The following DCT variants were observed in gnomAD, a reference collection of about 807,000 sequenced individuals.
DCT encodes the protein dopachrome tautomerase.
A neutral mutation model predicts 53.0 loss-of-function variants in DCT; 47 were observed. That is an observed-to-expected ratio of 0.89 (90% CI 0.70 to 1.13). The LOEUF (loss-of-function observed/expected upper bound fraction) is 1.13, where lower values mean the gene tolerates loss of function less well. DCT is among the 50% of genes most tolerant of loss of function. The pLI, the probability that DCT is intolerant of heterozygous loss-of-function variation, is 0.00. For synonymous variants in DCT, 244 were observed against 237.0 expected (o/e 1.03, Z -0.27); for missense variants, 669 against 637.4 (o/e 1.05, Z -0.53).
At chr13:94,493,030 G>T in the DCT span, among the ~76,000 whole-genome samples, 1 of 152,306 alleles carries the variant, frequency 6.6e-6, no homozygotes, top group South Asian at 2.1e-4. Flanking sequence ...GGCATCCATT[G>T]TGCTTGGAAC....
the DCT span, among the ~76,000 whole-genome samples, chr13:94,512,723 C>T: frequency 2.0e-3 from 91 of 45,960 alleles, no homozygotes; most frequent in African/African-American, 8.9e-3. Context: ...TATATATATA[C>T]ACACACACAC....
intron 6 of DCT, 95 bp from the exon 7 acceptor site, chr13:94,443,732 C>G (rs1371238562): frequency 9.8e-6 from 10 of 1,015,348 alleles, no homozygotes; most frequent in Admixed American, 4.1e-5. Flanking sequence ...ATAACTTCTT[C>G]TTGACATAGG....
At chr13:94,518,312 C>T in the DCT span, among the ~76,000 whole-genome samples, 2 of 152,312 alleles carry the variant, frequency 1.3e-5, no homozygotes, top group South Asian at 2.1e-4. Flanking sequence ...GAACCCTCCA[C>T]ACTGCTTACC....
chr13:94,513,395 G>T, the DCT span, among the ~76,000 whole-genome samples: 1 of 152,104 alleles, frequency 6.6e-6, no homozygotes, highest in Non-Finnish European at 1.5e-5. Context: ...GGTAACTATG[G>T]TCTGCTACAG....
chr13:94,465,004 C>T (rs1487074001), intron 4 of DCT, among the ~76,000 whole-genome samples: 1 of 151,984 alleles, frequency 6.6e-6, no homozygotes, highest in African/African-American at 2.4e-5. Context: ...TGCCCTCCCA[C>T]ACTCCCCTCA....
At chr13:94,489,280 A>T in the DCT span, among the ~76,000 whole-genome samples, 1 of 152,180 alleles carries the variant, frequency 6.6e-6, no homozygotes, top group East Asian at 1.9e-4. Context: ...GTTTCCTGGA[A>T]GTATTAAAAA....
At chr13:94,536,544 T>C in the DCT span, among the ~76,000 whole-genome samples, 1,116 of 151,994 alleles carry the variant, frequency 7.3e-3, 18 homozygotes, top group African/African-American at 0.026. Context: ...AGTCTATGAG[T>C]TTTCACATGA....
chr13:94,520,683 C>T, the DCT span, among the ~76,000 whole-genome samples: 6 of 152,250 alleles, frequency 3.9e-5, no homozygotes, highest in African/African-American at 1.4e-4. Flanking sequence ...TGGTCAGAAG[C>T]TCTGGCTTTC....
the DCT span, among the ~76,000 whole-genome samples, chr13:94,544,257 T>C: frequency 2.6e-5 from 4 of 152,170 alleles, no homozygotes; most frequent in African/African-American, 4.8e-5. Flanking sequence ...GGATTTTGTA[T>C]GAAAAGTGCT....
the DCT span, among the ~76,000 whole-genome samples, chr13:94,538,810 T>C: frequency 1.3e-5 from 2 of 152,202 alleles, no homozygotes; most frequent in Non-Finnish European, 2.9e-5. Context: ...CATCCTAACA[T>C]GTTAGATAAA....
intron 7 of DCT, among the ~76,000 whole-genome samples, chr13:94,442,960 C>T (rs1882446592): frequency 6.6e-6 from 1 of 152,054 alleles, no homozygotes; most frequent in Non-Finnish European, 1.5e-5. Context: ...GTTTTCTGGC[C>T]TCCTCTTGAA....
the DCT span, among the ~76,000 whole-genome samples, chr13:94,536,267 A>T: frequency 6.6e-6 from 1 of 152,194 alleles, no homozygotes; most frequent in East Asian, 1.9e-4. Context: ...TTTAACATTG[A>T]CATTGGACAG....
chr13:94,541,001 A>G, the DCT span, among the ~76,000 whole-genome samples: 4 of 152,204 alleles, frequency 2.6e-5, no homozygotes, highest in Non-Finnish European at 1.5e-5. Context: ...TGTGGGTGGA[A>G]CTGCAGGACA....
the DCT span, among the ~76,000 whole-genome samples, chr13:94,509,409 C>G: frequency 1.3e-5 from 2 of 151,440 alleles, no homozygotes; most frequent in African/African-American, 2.4e-5. Flanking sequence ...CATCTCCCCC[C>G]ACACCATCAC....
At chr13:94,471,917 A>G (rs998531545) in intron 1 of DCT, among the ~76,000 whole-genome samples, 2 of 152,186 alleles carry the variant, frequency 1.3e-5, no homozygotes, top group African/African-American at 4.8e-5. Flanking sequence ...GGAAGATTGC[A>G]GAGTGTGGGG....
At chr13:94,513,995 A>AAAG in the DCT span, among the ~76,000 whole-genome samples, 1 of 150,992 alleles carries the variant, frequency 6.6e-6, no homozygotes, top group East Asian at 1.9e-4. Flanking sequence ...CTCAAAAAAA[A>AAAG]AAAAAAAAAA....
chr13:94,496,023 T>C, the DCT span, among the ~76,000 whole-genome samples: 10 of 152,160 alleles, frequency 6.6e-5, no homozygotes, highest in Admixed American at 5.9e-4. Context: ...TCTGCCTTTC[T>C]CTGCCCTATT....
chr13:94,483,938 G>A (rs963562623), upstream of DCT, among the ~76,000 whole-genome samples: 2 of 152,130 alleles, frequency 1.3e-5, no homozygotes, highest in Admixed American at 6.6e-5. Flanking sequence ...AAAGATAACC[G>A]AAAAAGAATT....
the DCT span, among the ~76,000 whole-genome samples, chr13:94,487,156 C>T: frequency 6.6e-6 from 1 of 152,156 alleles, no homozygotes; most frequent in South Asian, 2.1e-4. Context: ...GGGGATATCT[C>T]ATGGGTGTAT....
Sources: gnomAD v4.1 joint callset for allele counts (sites outside exome capture counted in the v4.1 genomes callset) on GRCh38, gnomAD v4.1.1 for gene constraint, MANE v1.5 for transcripts, NCBI Gene and HGNC (gene_info 2026-07-23, HGNC 2026-07-21) for gene names.